SOHLH2: variants seen among roughly 807,000 people sequenced by gnomAD.
SOHLH2 encodes spermatogenesis and oogenesis specific basic helix-loop-helix 2, also known as spermatogenesis- and oogenesis-specific basic helix-loop-helix-containing protein 2.
In SOHLH2, 22 loss-of-function variants were observed where a neutral mutation model predicts 50.4. The observed-to-expected ratio is 0.44, with a 90% CI of 0.31 to 0.62. The LOEUF is 0.62. SOHLH2 is among the 20% of genes least tolerant of loss of function. The pLI is 0.08. For synonymous variants in SOHLH2, 185 were observed against 187.3 expected (o/e 0.99, Z 0.10); for missense variants, 412 against 504.4 (o/e 0.82, Z 1.76).
At chr13:36,188,410 C>T (rs1437119050) in intron 6 of SOHLH2, among the ~76,000 whole-genome samples, 1 of 152,196 alleles carries the variant, frequency 6.6e-6, no homozygotes, top group Non-Finnish European at 1.5e-5. Flanking sequence ...AGTCTGGCCT[C>T]TTATCAAAAT....
intron 1 of SOHLH2, among the ~76,000 whole-genome samples, chr13:36,206,374 T>C (rs1402982952): frequency 6.6e-6 from 1 of 152,104 alleles, no homozygotes; most frequent in East Asian, 1.9e-4. Context: ...TGTTCATTCA[T>C]TGCTAATTAG....
At position 36,170,739 on chromosome 13, in the gene SOHLH2, G is replaced by A; in HGVS notation, c.1049C>T (p.Thr350Ile). 6.2e-7 allele frequency: 1 copy of A among 1,614,194 alleles called. No individual in the cohort carries two copies. The highest frequency in any genetic ancestry group is 1.1e-5 in the South Asian group (1 of 91,084). ...AGACAGCGCTGCACTGGAAATGTGA[G>A]TTTTATATGGATCACCAATAGCATT... The part of the protein sequence containing the change: ...SENAIGDPYK[T>I]HISSAALSLN... Residue 350 changes from threonine (T) to isoleucine (I), a missense_variant, in exon 10 of 11, where the codon ACT becomes ATT. Coordinates refer to ENST00000379881, the MANE Select transcript of SOHLH2 (RefSeq NM_017826.3).
chr13:36,181,784 T>C (rs927222927), intron 6 of SOHLH2, among the ~76,000 whole-genome samples: 1 of 152,244 alleles, frequency 6.6e-6, no homozygotes, highest in African/African-American at 2.4e-5. Flanking sequence ...GTAGTCCTTC[T>C]AGTGATTCGA....
intron 6 of SOHLH2, among the ~76,000 whole-genome samples, chr13:36,180,179 A>G (rs1029568461): frequency 1.6e-4 from 25 of 152,182 alleles, no homozygotes; most frequent in African/African-American, 6.0e-4. Flanking sequence ...CTGGCATAAA[A>G]TTGTTCAAAG....
At chr13:36,201,792 A>C in intron 2 of SOHLH2, 87 bp downstream of exon 2, 1 of 1,529,110 alleles carries the variant, frequency 6.5e-7, no homozygotes, top group Non-Finnish European at 8.8e-7. Context: ...GTAAAATAGA[A>C]ATATATCATC....
intron 4 of SOHLH2, among the ~76,000 whole-genome samples, chr13:36,192,123 T>A (rs1887591042): frequency 6.6e-6 from 1 of 152,240 alleles, no homozygotes; most frequent in Non-Finnish European, 1.5e-5. Flanking sequence ...GGGATACCTT[T>A]AAGCCAGATT....
At chr13:36,191,180 C>G (rs1478424087) in intron 5 of SOHLH2, among the ~76,000 whole-genome samples, 2 of 152,034 alleles carry the variant, frequency 1.3e-5, no homozygotes, top group Admixed American at 1.3e-4. Flanking sequence ...CTACCCAATC[C>G]AGGTTTGAAT....
At chr13:36,212,671 C>T (rs540858331) in intron 1 of SOHLH2, among the ~76,000 whole-genome samples, 7 of 152,052 alleles carry the variant, frequency 4.6e-5, no homozygotes, top group East Asian at 1.9e-4. Flanking sequence ...CCTTTGTAAA[C>T]GAAAGTAACA....
intron 2 of SOHLH2, among the ~76,000 whole-genome samples, chr13:36,200,974 G>A (rs542852720): frequency 7.9e-5 from 12 of 150,960 alleles, no homozygotes; most frequent in East Asian, 2.0e-4. Context: ...ACTTGAACCC[G>A]GGAGGTGCAG....
intron 2 of SOHLH2, among the ~76,000 whole-genome samples, chr13:36,195,685 C>T (rs980643591): frequency 3.3e-5 from 5 of 152,112 alleles, no homozygotes; most frequent in African/African-American, 9.7e-5. Context: ...GTAAGGAAAG[C>T]GGGCATACCC....
chr13:36,177,826 T>C (rs1387452514), intron 6 of SOHLH2, among the ~76,000 whole-genome samples: 2 of 152,072 alleles, frequency 1.3e-5, no homozygotes, highest in African/African-American at 2.4e-5. Context: ...ATTTGTCAGA[T>C]ATCTGTTTGG....
chr13:36,210,085 A>G (rs972738736), intron 1 of SOHLH2, among the ~76,000 whole-genome samples: 1 of 152,204 alleles, frequency 6.6e-6, no homozygotes, highest in Admixed American at 6.5e-5. Flanking sequence ...TACTCATACC[A>G]GGAGTCCTCA....
chr13:36,168,916 C>T lies in SOHLH2; in HGVS notation c.*118G>A. The T allele has an allele frequency of 6.8e-7, 1 of 1,461,138 alleles. No homozygotes were observed. Among genetic ancestry groups the T allele is most frequent in the Non-Finnish European group, 9.1e-7 (1 of 1,104,084 alleles). The allele number at this position is 1,461,138 out of a possible 1,614,324, so 90.5% of individuals were successfully genotyped here. On this transcript the variant is annotated 3_prime_UTR_variant, in exon 11 of 11. Transcript: ENST00000379881. ...TTTATCAGAAGCCAAACCATGCCAA[C>T]TCTTTTGATATTAGGTCTTTGGGTG...
chr13:36,174,337 C>T (rs767541337), intron 8 of SOHLH2, 139 bp downstream of exon 8: 87 of 1,001,960 alleles, frequency 8.7e-5, no homozygotes, highest in African/African-American at 2.9e-4. Context: ...TGATACACAT[C>T]GGCAATTAGA....
chr13:36,173,841 T>G, intron 8 of SOHLH2, 31 bp from the exon 9 acceptor site: 1 of 1,612,004 alleles, frequency 6.2e-7, no homozygotes, highest in Non-Finnish European at 8.5e-7. Context: ...TATTTGCACA[T>G]TTTTCAAGGA....
chr13:36,214,404 G>T, intron 1 of SOHLH2, 75 bp downstream of exon 1: 1 of 1,538,140 alleles, frequency 6.5e-7, no homozygotes. Flanking sequence ...GGCTTTGAGG[G>T]CCGAGGGGAC....
intron 2 of SOHLH2, among the ~76,000 whole-genome samples, chr13:36,201,067 A>G (rs1341790766): frequency 8.1e-4 from 122 of 150,766 alleles, no homozygotes; most frequent in Non-Finnish European, 1.3e-3. Context: ...AAAAAAAAAA[A>G]AAAAGAAAAG....
chr13:36,198,114 A>C (rs1887787192), intron 2 of SOHLH2, among the ~76,000 whole-genome samples: 1 of 152,202 alleles, frequency 6.6e-6, no homozygotes, highest in Non-Finnish European at 1.5e-5. Context: ...AGACAATTAA[A>C]GCTACATGGG....
intron 2 of SOHLH2, among the ~76,000 whole-genome samples, chr13:36,199,057 G>C (rs1449911665): frequency 2.0e-5 from 3 of 152,182 alleles, no homozygotes; most frequent in Non-Finnish European, 4.4e-5. Context: ...TTTTGGTTTA[G>C]TCATTAAATA....
Sources: allele counts gnomAD v4.1 joint callset (sites outside exome capture counted in the v4.1 genomes callset), GRCh38; gene constraint gnomAD v4.1.1; transcripts MANE v1.5; gene names NCBI Gene and HGNC (gene_info 2026-07-23, HGNC 2026-07-21).